The following POC1B variants were observed in gnomAD, a reference collection of about 807,000 sequenced individuals.
The protein encoded by POC1B is POC1 centriolar protein B.
In POC1B, 44 loss-of-function variants were observed where a neutral mutation model predicts 60.6. That is an observed-to-expected ratio of 0.73 (90% CI 0.57 to 0.93). The LOEUF (loss-of-function observed/expected upper bound fraction) is 0.93, where lower values mean the gene tolerates loss of function less well. POC1B is among the 40% of genes least tolerant of loss of function. The probability of loss-of-function intolerance (pLI) is 0.00; values close to 1 mark genes in which losing one functional copy is unlikely to be tolerated. For synonymous variants in POC1B, 180 were observed against 198.9 expected, an observed-to-expected ratio of 0.90 and a Z score of 0.80; for missense variants, 555 against 572.3, an observed-to-expected ratio of 0.97 and a Z score of 0.31.
chr12:89,459,712 G>T lies in POC1B; in HGVS notation c.1039C>A (p.Pro347Thr). The part of the protein sequence containing the change: ...EEKVETVEIN[P>T]KLEVIDLQIS... The stretch of plus-strand genomic sequence containing the variant: ...TGCAAATCGATTACCTCAAGCTTTG[G>T]ATTAATCTGTGTATATACATAAAAA... The change falls in exon 10 of 12, where the codon CCA (proline) becomes ACA (threonine). Residue 347 changes from proline (P) to threonine (T), a missense_variant. By Grantham distance (38) the Pro-to-Thr change is conservative (BLOSUM62 -1). Transcript: ENST00000313546. 6.5e-7 allele frequency: 1 copy of T among 1,532,652 alleles called. No individual in the cohort carries two copies. The allele number at this position is 1,532,652 out of a possible 1,614,324, so 94.9% of individuals were successfully genotyped here. A position where few individuals can be genotyped will look rare whatever the true frequency, so the allele number is the denominator to read the frequency against.
At chr12:89,460,901 A>C (rs1882459844) in intron 9 of POC1B, 1 of 152,192 alleles carries the variant, frequency 6.6e-6, no homozygotes, top group Admixed American at 6.5e-5. Context: ...TAAAAATTAA[A>C]AATAAAATTG....
chr12:89,403,387 G>A, the POC1B span, among the ~76,000 whole-genome samples: 2 of 152,052 alleles, frequency 1.3e-5, no homozygotes, highest in African/African-American at 2.4e-5. Context: ...TCTCTTCAAC[G>A]TCCAGTGCTT....
intron 7 of POC1B, 37 bp from the exon 8 acceptor site, chr12:89,467,722 G>T: frequency 6.6e-7 from 1 of 1,507,250 alleles, no homozygotes; most frequent in Non-Finnish European, 9.2e-7. Context: ...AAAAGTACTT[G>T]GTAATGCTTT....
chr12:89,424,081 A>G (rs1307605012), intron 11 of POC1B, among the ~76,000 whole-genome samples: 1 of 152,250 alleles, frequency 6.6e-6, no homozygotes, highest in Non-Finnish European at 1.5e-5. Flanking sequence ...GTGATTTTTA[A>G]TATGATTTTC....
chr12:89,506,949 C>T (rs1041997238), intron 2 of POC1B, among the ~76,000 whole-genome samples: 1 of 151,938 alleles, frequency 6.6e-6, no homozygotes, highest in Non-Finnish European at 1.5e-5. Flanking sequence ...TTTTCTTCCT[C>T]AAGAAAGTGG....
chr12:89,497,104 G>T, intron 3 of POC1B, 67 bp downstream of exon 3: 2 of 1,509,076 alleles, frequency 1.3e-6, no homozygotes, highest in Non-Finnish European at 9.1e-7. Flanking sequence ...ATGAGCAGCA[G>T]CCAGGGTCAG....
At chr12:89,476,146 A>G (rs1340978651) in intron 4 of POC1B, among the ~76,000 whole-genome samples, 1 of 151,848 alleles carries the variant, frequency 6.6e-6, no homozygotes, top group Non-Finnish European at 1.5e-5. Context: ...GGCTCAAGCA[A>G]TCCTCCTGCC....
chr12:89,481,874 A>G (rs936681791), intron 4 of POC1B, among the ~76,000 whole-genome samples: 2 of 152,168 alleles, frequency 1.3e-5, no homozygotes, highest in Admixed American at 1.3e-4. Context: ...ACTACAGCCC[A>G]TGAGTAAAGA....
downstream of POC1B, among the ~76,000 whole-genome samples, chr12:89,415,362 A>T (rs550519327): frequency 1.1e-3 from 173 of 152,198 alleles, 2 homozygotes; most frequent in African/African-American, 4.0e-3. Context: ...TAACAATAAT[A>T]GCCGGGTGCG....
intron 10 of POC1B, among the ~76,000 whole-genome samples, chr12:89,437,633 C>T (rs1881324220): frequency 1.4e-5 from 2 of 142,832 alleles, no homozygotes; most frequent in African/African-American, 5.2e-5. Context: ...TTTATTTAAA[C>T]ACTCCACTAA....
intron 2 of POC1B, among the ~76,000 whole-genome samples, chr12:89,499,597 C>A (rs1383132945): frequency 6.6e-6 from 1 of 150,980 alleles, no homozygotes; most frequent in African/African-American, 2.4e-5. Context: ...AAGAACACTG[C>A]CACTTTGACA....
rs35166321 is a variant in POC1B at position 89,459,610 on chromosome 12, C to CAAAA, written c.1113+24_1113+27dup. The CAAAA allele has an allele frequency of 1.7e-3, 1,529 of 883,620 alleles. 3 individuals are homozygous for CAAAA. The highest frequency in any genetic ancestry group is 2.6e-3 in the Middle Eastern group (8 of 3,096). The allele number at this position is 883,620 out of a possible 1,614,324, so 54.7% of individuals were successfully genotyped here. ...AAATGATTAAATGCCACTTAAGTGT[C>CAAAA]AAAAAAAAAAAAAAAAACCCGACTT... On this transcript the variant is annotated intron_variant, in intron 10 of 11. Coordinates refer to ENST00000313546, the MANE Select transcript of POC1B (RefSeq NM_172240.3).
intron 2 of POC1B, among the ~76,000 whole-genome samples, chr12:89,506,774 G>A (rs1384367566): frequency 6.6e-6 from 1 of 152,184 alleles, no homozygotes; most frequent in South Asian, 2.1e-4. Context: ...AGCTGGCCCT[G>A]GGCCCAAGAG....
chr12:89,475,910 C>CTTTTTTTTTTTTTTTTTTTTTTTTTTTT (rs972058107), intron 4 of POC1B, among the ~76,000 whole-genome samples: 1 of 86,140 alleles, frequency 1.2e-5, no homozygotes. Flanking sequence ...TGAGGGAATT[C>CTTTTTTTTTTTTTTTTTTTTTTTTTTTT]TTTTTTTTTT....
At position 89,526,002 on chromosome 12, in the gene POC1B, C is replaced by T. The variant is rs893981976; in HGVS notation, c.-107G>A. The T allele has an allele frequency of 3.9e-6, 6 of 1,541,428 alleles. No homozygotes were observed. In the African/African-American group the frequency reaches 5.5e-5, roughly 14 times the overall value. On this transcript the variant is annotated 5_prime_UTR_variant, in exon 1 of 12. Transcript: ENST00000313546. ...CGTGCGGCTCCCGGAACCGTCTGCC[C>T]AGAGCGGCAGCGCCTCCCGGTCACT...
rs766043195 is a variant in POC1B, at chr12:89,425,194, C to T, written c.1299G>A (p.Glu433=). The T allele has an allele frequency of 8.1e-6, 13 of 1,614,054 alleles. No individual in the cohort carries two copies. The highest frequency in any genetic ancestry group is 1.3e-5 in the African/African-American group (1 of 74,930). The change falls in exon 11 of 12, where the codon GAG becomes GAA. Residue 433 remains glutamate, a synonymous_variant. Coordinates refer to ENST00000313546, the MANE Select transcript of POC1B (RefSeq NM_172240.3). The part of the protein sequence containing the change: ...SIPLAVTDAL[E]HIMEQLNVLT... ...AAACATTGAGTTGTTCCATAATATG[C>T]TCTAAAGCATCAGTCACAGCGAGAG...
intron 2 of POC1B, 192 bp downstream of exon 2, chr12:89,524,927 CG>C: frequency 1.1e-5 from 10 of 895,240 alleles, no homozygotes; most frequent in South Asian, 3.5e-5. Context: ...TTGGCCGGGC[CG>C]GGGGCTGGGG....
intron 4 of POC1B, among the ~76,000 whole-genome samples, chr12:89,481,813 C>G (rs1868374208): frequency 6.6e-6 from 1 of 152,134 alleles, no homozygotes; most frequent in Admixed American, 6.6e-5. Context: ...TCTGACCAGC[C>G]TTTTCTGAAT....
the POC1B span, among the ~76,000 whole-genome samples, chr12:89,402,249 T>G: frequency 6.6e-6 from 1 of 152,210 alleles, no homozygotes; most frequent in Non-Finnish European, 1.5e-5. Flanking sequence ...TATTCTGCTA[T>G]TGTCCTTCTT....
Sources: gnomAD v4.1 joint callset for allele counts (sites outside exome capture counted in the v4.1 genomes callset) on GRCh38, gnomAD v4.1.1 for gene constraint, MANE v1.5 for transcripts, NCBI Gene and HGNC (gene_info 2026-07-23, HGNC 2026-07-21) for gene names.